GNAL: variants seen among roughly 807,000 people sequenced by gnomAD.
GNAL encodes guanine nucleotide-binding protein G(olf) subunit alpha.
A neutral mutation model predicts 55.1 loss-of-function variants in GNAL; 18 were observed. The observed-to-expected ratio is 0.33, with a 90% CI of 0.23 to 0.48. The LOEUF is 0.48. Ranked by LOEUF, GNAL falls within the 20% of genes least tolerant of loss-of-function variation. The pLI, the probability that GNAL is intolerant of heterozygous loss-of-function variation, is 0.99. For synonymous variants in GNAL, 253 were observed against 237.0 expected (o/e 1.07, Z -0.62); for missense variants, 412 against 614.1 (o/e 0.67, Z 3.48).
intron 10 of GNAL, among the ~76,000 whole-genome samples, 177 bp from the exon 11 acceptor site, chr18:11,876,444 G>C (rs1437204883): frequency 6.6e-6 from 1 of 152,130 alleles, no homozygotes; most frequent in Non-Finnish European, 1.5e-5. Flanking sequence ...GCCTGGGCAA[G>C]AGAGTGAGAC....
At chr18:11,833,389 A>G (rs1221320463) in intron 5 of GNAL, 1 of 152,190 alleles carries the variant, frequency 6.6e-6, no homozygotes, top group Non-Finnish European at 1.5e-5. Context: ...GAGCACTACA[A>G]TAACATTTAC....
At chr18:11,775,796 G>A (rs1343612089) in intron 4 of GNAL, among the ~76,000 whole-genome samples, 1 of 152,192 alleles carries the variant, frequency 6.6e-6, no homozygotes, top group Non-Finnish European at 1.5e-5. Context: ...AAATTCCAGT[G>A]TTTTCATTTC....
At chr18:11,796,039 G>A (rs2034369439) in intron 4 of GNAL, among the ~76,000 whole-genome samples, 1 of 152,134 alleles carries the variant, frequency 6.6e-6, no homozygotes, top group Non-Finnish European at 1.5e-5. Context: ...CGGACACCAA[G>A]TATTCGCCCG....
At chr18:11,755,925 G>A (rs918990000) in intron 4 of GNAL, among the ~76,000 whole-genome samples, 1 of 152,126 alleles carries the variant, frequency 6.6e-6, no homozygotes, top group East Asian at 1.9e-4. Context: ...AATCAGGAGT[G>A]GTGTTCCCTT....
intron 6 of GNAL, among the ~76,000 whole-genome samples, chr18:11,862,931 T>G (rs1598436825): frequency 6.7e-6 from 1 of 148,220 alleles, no homozygotes; most frequent in South Asian, 2.1e-4. Context: ...CAGACTGGAG[T>G]GCTATGTTGC....
At chr18:11,852,313 A>G (rs1177569248) in intron 5 of GNAL, 1 of 602,186 alleles carries the variant, frequency 1.7e-6, no homozygotes. Context: ...AGTTCTGTAT[A>G]GCTCGTAATG....
chr18:11,792,462 A>G (rs2034266252), intron 4 of GNAL, among the ~76,000 whole-genome samples: 2 of 152,230 alleles, frequency 1.3e-5, no homozygotes, highest in Admixed American at 1.3e-4. Context: ...CTAGGATTAC[A>G]GGCATAAGCC....
At chr18:11,856,431 G>A (rs1270738876) in intron 5 of GNAL, among the ~76,000 whole-genome samples, 2 of 151,258 alleles carry the variant, frequency 1.3e-5, no homozygotes, top group Non-Finnish European at 2.9e-5. Context: ...ATAGTGCCTC[G>A]AGCTTTCTGA....
chr18:11,805,189 G>A (rs1435040000), intron 4 of GNAL, among the ~76,000 whole-genome samples: 1 of 143,336 alleles, frequency 7.0e-6, no homozygotes, highest in Non-Finnish European at 1.5e-5. Flanking sequence ...TAGTGGTGAA[G>A]TACAGGTGCA....
chr18:11,862,500 T>C, intron 6 of GNAL, 51 bp downstream of exon 6: 1 of 1,301,622 alleles, frequency 7.7e-7, no homozygotes, highest in Non-Finnish European at 1.1e-6. Context: ...TGAGATTCAT[T>C]TCCAATATGA....
chr18:11,690,243 C>T (rs1017746818), intron 1 of GNAL, among the ~76,000 whole-genome samples: 2 of 152,150 alleles, frequency 1.3e-5, no homozygotes, highest in Non-Finnish European at 2.9e-5. Context: ...AAGTCTCCCC[C>T]TCGATTGATC....
chr18:11,796,584 A>AC (rs1453343717), intron 4 of GNAL, among the ~76,000 whole-genome samples: 7 of 147,824 alleles, frequency 4.7e-5, no homozygotes, highest in Admixed American at 4.0e-4. Context: ...ACAAAAAAAA[A>AC]AAAAAAAAAA....
chr18:11,709,254 T>G (rs2031782421), intron 1 of GNAL, among the ~76,000 whole-genome samples: 1 of 152,082 alleles, frequency 6.6e-6, no homozygotes, highest in Non-Finnish European at 1.5e-5. Context: ...TTTGTTCTTC[T>G]TTCTCAAGAT....
At chr18:11,876,428 A>G (rs999736090) in intron 10 of GNAL, among the ~76,000 whole-genome samples, 193 bp from the exon 11 acceptor site, 1 of 135,394 alleles carries the variant, frequency 7.4e-6, no homozygotes. Context: ...ATGCCACTGC[A>G]CTCCAGCCTG....
chr18:11,714,235 AT>A (rs2031902130), intron 1 of GNAL, among the ~76,000 whole-genome samples: 1 of 152,180 alleles, frequency 6.6e-6, no homozygotes, highest in Non-Finnish European at 1.5e-5. Flanking sequence ...GTTTAGTTTC[AT>A]TTTGCCAAGG....
chr18:11,706,893 CAT>C (rs1329013671), intron 1 of GNAL, among the ~76,000 whole-genome samples: 2 of 152,226 alleles, frequency 1.3e-5, no homozygotes, highest in Non-Finnish European at 1.5e-5. Flanking sequence ...CAAAGCAATC[CAT>C]GAGGGTTGCA....
chr18:11,865,578 T>G (rs2036243992), intron 7 of GNAL, among the ~76,000 whole-genome samples: 1 of 106,468 alleles, frequency 9.4e-6, no homozygotes, highest in African/African-American at 3.6e-5. Context: ...AGCAAGACCC[T>G]GTCTCTACCA....
chr18:11,737,481 G>A (rs1339549921), intron 1 of GNAL, among the ~76,000 whole-genome samples: 4 of 152,124 alleles, frequency 2.6e-5, no homozygotes, highest in Admixed American at 2.6e-4. Flanking sequence ...CTGAATGTCT[G>A]TTGCACTCAC....
intron 5 of GNAL, among the ~76,000 whole-genome samples, chr18:11,835,383 T>C (rs1255652390): frequency 6.6e-6 from 1 of 151,650 alleles, no homozygotes; most frequent in Non-Finnish European, 1.5e-5. Context: ...TTTCAGCTAC[T>C]CAGGAGACTG....
Sources: gnomAD v4.1 joint callset for allele counts (sites outside exome capture counted in the v4.1 genomes callset) on GRCh38, gnomAD v4.1.1 for gene constraint, MANE v1.5 for transcripts, NCBI Gene and HGNC (gene_info 2026-07-23, HGNC 2026-07-21) for gene names.